Variants in PFKFB2 observed in about 807,000 individuals in gnomAD.
PFKFB2 encodes the protein 6-phosphofructo-2-kinase/fructose-2,6-bisphosphatase 2.
In PFKFB2, 53 loss-of-function variants were observed where a neutral mutation model predicts 68.0. That is an observed-to-expected ratio of 0.78 (90% CI 0.63 to 0.98). The LOEUF (loss-of-function observed/expected upper bound fraction) is 0.98, where lower values mean the gene tolerates loss of function less well. Among genes scored for constraint, PFKFB2 ranks in the 50% least tolerant of loss-of-function variants. The pLI, the probability that PFKFB2 is intolerant of heterozygous loss-of-function variation, is 0.00. For synonymous variants in PFKFB2, 222 were observed against 227.6 expected, an observed-to-expected ratio of 0.98 and a Z score of 0.22; for missense variants, 451 against 642.0, an observed-to-expected ratio of 0.70 and a Z score of 3.22.
chr1:207,038,394 T>C (rs1186377437), intron 1 of PFKFB2, among the ~76,000 whole-genome samples: 1 of 152,232 alleles, frequency 6.6e-6, no homozygotes. Context: ...ATATAGCTTA[T>C]AGATGCTGCA....
chr1:207,052,033 T>C (rs981691742), upstream of PFKFB2, among the ~76,000 whole-genome samples: 6 of 152,238 alleles, frequency 3.9e-5, no homozygotes, highest in Non-Finnish European at 8.8e-5. Flanking sequence ...CCTGAATTTA[T>C]ATCTCTCTTT....
rs537714684 is a variant in PFKFB2, at chr1:207,063,722, A to C, written c.451-51A>C. On this transcript the variant is annotated intron_variant, in intron 6 of 14. Transcript: ENST00000367080. This position sits in a 1 kb window ranked among gnomAD's most constrained non-coding sequence, Gnocchi z 4.1. ...GGTAGATGAGCATGTGCTCTTAATT[A>C]ACAGCCTGGCATTTTTGACTTGCTT... The C allele has an allele frequency of 6.1e-6, 9 of 1,481,816 alleles. No homozygotes were observed. The East Asian group carries it at 1.8e-4, about 30-fold the overall frequency. 91.8% of individuals were successfully genotyped at this position (1,481,816 alleles called of 1,614,324 possible). A position where few individuals can be genotyped will look rare whatever the true frequency, so the allele number is the denominator to read the frequency against.
At chr1:207,052,189 A>T (rs1682768985), upstream of PFKFB2, 1 of 1,612,584 alleles carries the variant, frequency 6.2e-7, no homozygotes, top group African/African-American at 1.3e-5. Context: ...ACTCACCTCC[A>T]CTGTAAAAGA....
Position 207,072,787 on chromosome 1 carries a change from GTC to G in PFKFB2, c.*418_*419del. 1.0e-6 allele frequency: 1 copy of G among 997,882 alleles called. No individual in the cohort carries two copies. Among genetic ancestry groups the G allele is most frequent in the Non-Finnish European group, 1.2e-6 (1 of 838,250 alleles). The allele number at this position is 997,882 out of a possible 1,614,324, so 61.8% of individuals were successfully genotyped here. A position where few individuals can be genotyped will look rare whatever the true frequency, so the allele number is the denominator to read the frequency against. On this transcript the variant is annotated 3_prime_UTR_variant, in exon 15 of 15. Coordinates refer to ENST00000367080, the MANE Select transcript of PFKFB2 (RefSeq NM_006212.2). Reference sequence around the variant, plus strand: ...CGGGTGAGCAGTCGGGGGACAAAAAGTCTATTTTTCCTTCACTTTTGTCTCTT... The same window carrying G: ...CGGGTGAGCAGTCGGGGGACAAAAAGTATTTTTCCTTCACTTTTGTCTCTT...
chr1:207,062,119 C>T (rs1316614767), intron 3 of PFKFB2, 41 bp downstream of exon 3: 1 of 1,613,168 alleles, frequency 6.2e-7, no homozygotes, highest in African/African-American at 1.3e-5. Context: ...ATTATTAGTT[C>T]CTGGGCCTCA....
intron 2 of PFKFB2, chr1:207,047,266 T>C (rs1370665834): frequency 1.3e-5 from 2 of 152,564 alleles, no homozygotes; most frequent in Non-Finnish European, 2.9e-5. Context: ...ACAGCTTATA[T>C]TGTCTAAAAT....
chr1:207,060,861 C>T (rs11585761), intron 2 of PFKFB2: 56,003 of 149,880 alleles, frequency 0.37, 10,815 homozygotes, highest in Middle Eastern at 0.46. Context: ...AGTGCAGTGA[C>T]GGGATCATGG....
intron 9 of PFKFB2, 78 bp from the exon 10 acceptor site, chr1:207,068,085 G>A: frequency 1.1e-6 from 1 of 938,636 alleles, no homozygotes; most frequent in South Asian, 1.7e-5. Flanking sequence ...CTTTGTGTAT[G>A]TGTGTGTTGA....
chr1:207,056,781 G>C (rs1354970885), intron 2 of PFKFB2, among the ~76,000 whole-genome samples: 1 of 152,184 alleles, frequency 6.6e-6, no homozygotes, highest in Non-Finnish European at 1.5e-5. Flanking sequence ...CAGTCGGGCT[G>C]TGAGACTGTT....
intron 2 of PFKFB2, chr1:207,047,441 A>G (rs1361133702): frequency 6.6e-6 from 1 of 152,622 alleles, no homozygotes; most frequent in African/African-American, 2.4e-5. Flanking sequence ...GTCAATTTTA[A>G]AACATTTGCT....
chr1:207,069,617 A>G, intron 11 of PFKFB2, 89 bp downstream of exon 11: 1 of 871,536 alleles, frequency 1.1e-6, no homozygotes, highest in Non-Finnish European at 1.9e-6. Flanking sequence ...TGTGATTTGG[A>G]GGGTCTAGGC....
At chr1:207,037,046 C>G (rs1682389753) in intron 1 of PFKFB2, among the ~76,000 whole-genome samples, 1 of 152,178 alleles carries the variant, frequency 6.6e-6, no homozygotes, top group African/African-American at 2.4e-5. Context: ...ATATGTTCAA[C>G]TTGTTATCTT....
At chr1:207,061,847 A>T in intron 2 of PFKFB2, 106 bp from the exon 3 acceptor site, 1 of 951,664 alleles carries the variant, frequency 1.1e-6, no homozygotes, top group Non-Finnish European at 1.7e-6. Context: ...ACGCCACTGT[A>T]CTCCAGCCTG....
Position 207,063,826 on chromosome 1 carries a change from T to C in PFKFB2, c.504T>C (p.Ile168=), listed in dbSNP as rs1478566070. The C allele has an allele frequency of 6.2e-7, 1 of 1,612,618 alleles. No individual in the cohort carries two copies. The highest frequency in any genetic ancestry group is 8.5e-7 in the Non-Finnish European group (1 of 1,178,876). ...ATCCTGATGTCATTGCTGCCAATATTCTGGTTGGTGACACCCCTACATATC... is the reference window on the plus strand; with the variant it reads ...ATCCTGATGTCATTGCTGCCAATATCCTGGTTGGTGACACCCCTACATATC... ...CDDPDVIAAN[I]LEVKVSSPDY... is the part of the protein sequence containing the mutation. The change falls in exon 7 of 15, where the codon ATT becomes ATC. Residue 168 remains isoleucine, a synonymous_variant. Coordinates refer to ENST00000367080, the MANE Select transcript of PFKFB2 (RefSeq NM_006212.2). This position sits in a 1 kb window ranked among gnomAD's most constrained non-coding sequence, Gnocchi z 4.1.
intron 1 of PFKFB2, 85 bp from the exon 2 acceptor site, chr1:207,054,616 C>T (rs1267733039): frequency 2.3e-6 from 2 of 860,394 alleles, no homozygotes; most frequent in Admixed American, 4.6e-5. Flanking sequence ...TTACTTATAC[C>T]ACACGGATCC....
chr1:207,047,971 AAT>A (rs1437249324), intron 2 of PFKFB2: 2 of 152,214 alleles, frequency 1.3e-5, no homozygotes, highest in African/African-American at 2.4e-5. Flanking sequence ...GTGTGCAAAA[AAT>A]CTTACAAAAA....
upstream of PFKFB2, chr1:207,049,325 G>A (rs1682677420): frequency 6.2e-7 from 1 of 1,613,980 alleles, no homozygotes. Context: ...TCCCCAAAAC[G>A]ATCAATTCTT....
Position 207,072,290 on chromosome 1 carries a change from A to C in PFKFB2, c.1437A>C (p.Pro479=). 1 of 1,614,210 alleles carries C rather than the reference A, an allele frequency of 6.2e-7. No individual in the cohort carries two copies. The highest frequency in any genetic ancestry group is 2.2e-5 in the East Asian group (1 of 44,886). The change falls in exon 15 of 15, where the codon CCA becomes CCC. Residue 479 remains proline (P), a synonymous_variant. Coordinates refer to ENST00000367080, the MANE Select transcript of PFKFB2 (RefSeq NM_006212.2). The part of the protein sequence containing the change: ...PLSSSNTIRR[P]RNYSVGSRPL... ...CCAGTTCGAATACAATAAGGCGTCC[A>C]AGAAATTACAGTGTTGGGAGCCGGC... is the stretch of plus-strand genomic sequence containing the variant.
In PFKFB2 at chr1:207,077,521, G is replaced by C; in HGVS notation, c.*5150G>C. 5 of 985,726 alleles carry C rather than the reference G, an allele frequency of 5.1e-6. No homozygotes were observed. Among genetic ancestry groups the C allele is most frequent in the Non-Finnish European group, 6.0e-6 (5 of 829,904 alleles). The allele number at this position is 985,726 out of a possible 1,614,324, so 61.1% of individuals were successfully genotyped here. A position where few individuals can be genotyped will look rare whatever the true frequency, so the allele number is the denominator to read the frequency against. On this transcript the variant is annotated 3_prime_UTR_variant, in exon 15 of 15. Coordinates refer to ENST00000367080, the MANE Select transcript of PFKFB2 (RefSeq NM_006212.2). Reference sequence around the variant, plus strand: ...TTTGCTATGGCAAAATCAAAGGGCTGATCATACATGGTGCCCTTTGGGAAG... The same window carrying C: ...TTTGCTATGGCAAAATCAAAGGGCTCATCATACATGGTGCCCTTTGGGAAG...
Sources: allele counts gnomAD v4.1 joint callset (sites outside exome capture counted in the v4.1 genomes callset), GRCh38; gene constraint gnomAD v4.1.1; non-coding constraint Gnocchi (gnomAD v3.1); transcripts MANE v1.5; gene names NCBI Gene and HGNC (gene_info 2026-07-23, HGNC 2026-07-21).